Variants in PSD3 observed in about 807,000 individuals in gnomAD.
The protein encoded by PSD3 is pleckstrin and Sec7 domain containing 3.
In PSD3, 49 loss-of-function variants were observed where a neutral mutation model predicts 105.5. The observed-to-expected ratio is 0.46, with a 90% CI of 0.37 to 0.59. The LOEUF (loss-of-function observed/expected upper bound fraction) is 0.59, where lower values mean the gene tolerates loss of function less well. PSD3 is among the 20% of genes least tolerant of loss of function. PSD3 has a pLI of 0.00. For synonymous variants in PSD3, 557 were observed against 457.8 expected, an observed-to-expected ratio of 1.22 and a Z score of -2.77; for missense variants, 1,561 against 1,263.8, an observed-to-expected ratio of 1.24 and a Z score of -3.57.
At chr8:18,934,657 G>C (rs1489563299) in intron 2 of PSD3, among the ~76,000 whole-genome samples, 1 of 151,998 alleles carries the variant, frequency 6.6e-6, no homozygotes, top group Non-Finnish European at 1.5e-5. Context: ...ATAATTCTAA[G>C]ACATAAGTCA....
At chr8:18,906,233 C>T (rs1350783871) in intron 2 of PSD3, among the ~76,000 whole-genome samples, 3 of 152,156 alleles carry the variant, frequency 2.0e-5, no homozygotes, top group Non-Finnish European at 4.4e-5. Context: ...TATCTGGGTG[C>T]TCCAGATCCC....
At chr8:18,606,860 A>G (rs937778833) in intron 11 of PSD3, among the ~76,000 whole-genome samples, 1 of 152,190 alleles carries the variant, frequency 6.6e-6, no homozygotes, top group Non-Finnish European at 1.5e-5. Flanking sequence ...TATACGTTCT[A>G]TGTGTTCCAA....
intron 4 of PSD3, chr8:18,808,800 G>GT: frequency 6.2e-7 from 1 of 1,613,902 alleles, no homozygotes; most frequent in Non-Finnish European, 8.5e-7. Context: ...AACCCCTGGG[G>GT]TGCGCCTGGA....
intron 4 of PSD3, among the ~76,000 whole-genome samples, chr8:18,857,969 A>G (rs1816150598): frequency 6.6e-6 from 1 of 152,190 alleles, no homozygotes; most frequent in Non-Finnish European, 1.5e-5. Flanking sequence ...GCATTTATCT[A>G]ACATTAGACA....
intron 2 of PSD3, among the ~76,000 whole-genome samples, chr8:18,917,356 G>A (rs1042222228): frequency 1.3e-5 from 2 of 152,110 alleles, no homozygotes; most frequent in Non-Finnish European, 2.9e-5. Context: ...AATAAATACT[G>A]TATTTTCAGC....
chr8:19,083,375 T>C (rs1829703519), intron 1 of PSD3, among the ~76,000 whole-genome samples: 1 of 151,914 alleles, frequency 6.6e-6, no homozygotes, highest in Admixed American at 6.6e-5. Context: ...GTGCGGAGTG[T>C]GAGATGCTAA....
At chr8:18,863,506 T>A (rs965936371) in intron 4 of PSD3, among the ~76,000 whole-genome samples, 23 of 152,160 alleles carry the variant, frequency 1.5e-4, no homozygotes, top group Admixed American at 1.2e-3. Context: ...CTGAGCTGTT[T>A]CCGGCTGACA....
At position 18,717,696 on chromosome 8, in the gene PSD3, C is replaced by A. The variant is rs1474135661; in HGVS notation, c.2172+47753G>T. The stretch of plus-strand genomic sequence containing the variant: ...AGGGTCACACTATAACCACTTGAGT[C>A]AACTCCTGACTTTTTGACTCAGTTA... On this transcript the variant is annotated intron_variant, in intron 9 of 15. Coordinates refer to ENST00000327040, the MANE Select transcript of PSD3 (RefSeq NM_015310.4). 2.0e-5 allele frequency among the ~76,000 whole-genome samples: 3 copies of A among 152,196 alleles called. No individual in the cohort carries two copies. The East Asian group carries it at 5.8e-4, about 29-fold the overall frequency.
intron 15 of PSD3, among the ~76,000 whole-genome samples, chr8:18,545,165 G>A (rs1002995783): frequency 3.3e-5 from 5 of 152,096 alleles, no homozygotes; most frequent in Admixed American, 2.0e-4. Context: ...GTCTGTATAA[G>A]TATTCAGCTT....
chr8:18,623,477 G>A (rs1052262632), intron 11 of PSD3, among the ~76,000 whole-genome samples: 19 of 137,068 alleles, frequency 1.4e-4, no homozygotes, highest in Non-Finnish European at 1.9e-4. Context: ...AAAAGAAAAA[G>A]GAAAAAAAAA....
chr8:18,613,460 A>T (rs1172498340), intron 11 of PSD3, among the ~76,000 whole-genome samples: 1 of 151,614 alleles, frequency 6.6e-6, no homozygotes, highest in Non-Finnish European at 1.5e-5. Flanking sequence ...TTCCTTTTTC[A>T]TTTCTGCCTA....
At chr8:19,026,970 G>C (rs191077079) in intron 1 of PSD3, among the ~76,000 whole-genome samples, 2 of 152,096 alleles carry the variant, frequency 1.3e-5, no homozygotes, top group Non-Finnish European at 1.5e-5. Context: ...TTTTGGGCAA[G>C]AATAGTATGT....
intron 2 of PSD3, among the ~76,000 whole-genome samples, chr8:18,892,400 T>A (rs573164023): frequency 1.7e-4 from 26 of 151,578 alleles, no homozygotes; most frequent in African/African-American, 6.3e-4. Flanking sequence ...ATTTTTTGTA[T>A]TTTTAGTAAA....
intron 14 of PSD3, among the ~76,000 whole-genome samples, chr8:18,569,429 G>C (rs979623927): frequency 1.3e-5 from 2 of 150,608 alleles, no homozygotes; most frequent in African/African-American, 4.9e-5. Context: ...TCTCAATGTA[G>C]AAAAATCACA....
intron 4 of PSD3, among the ~76,000 whole-genome samples, chr8:18,828,073 T>A (rs1432287505): frequency 5.9e-5 from 8 of 134,674 alleles, no homozygotes; most frequent in South Asian, 4.9e-4. Context: ...ATATATTTTT[T>A]TTTTTTTACA....
At chr8:18,562,695 C>A (rs967057737) in intron 14 of PSD3, among the ~76,000 whole-genome samples, 7 of 152,178 alleles carry the variant, frequency 4.6e-5, no homozygotes, top group African/African-American at 1.7e-4. Context: ...TCGAGACCAG[C>A]CTGGCCAACA....
At chr8:18,998,498 T>C (rs113544301) in intron 1 of PSD3, among the ~76,000 whole-genome samples, 15,780 of 151,890 alleles carry the variant, frequency 0.1, 1,217 homozygotes, top group Non-Finnish European at 0.16. Flanking sequence ...CCATCCTGGC[T>C]AACACGGTGA....
chr8:18,785,621 AC>A (rs2129445716), intron 8 of PSD3, among the ~76,000 whole-genome samples: 1 of 152,136 alleles, frequency 6.6e-6, no homozygotes, highest in East Asian at 1.9e-4. Context: ...TCCTTCAAGA[AC>A]TTTTCCTTTA....
intron 12 of PSD3, among the ~76,000 whole-genome samples, chr8:18,598,882 G>A (rs1804232972): frequency 6.6e-6 from 1 of 152,012 alleles, no homozygotes; most frequent in Admixed American, 6.6e-5. Flanking sequence ...ACTGCTGAAA[G>A]AAATTAAAGA....
Sources: allele counts gnomAD v4.1 joint callset (sites outside exome capture counted in the v4.1 genomes callset), GRCh38; gene constraint gnomAD v4.1.1; transcripts MANE v1.5; gene names NCBI Gene and HGNC (gene_info 2026-07-23, HGNC 2026-07-21).